The following RBFOX1 variants were observed in gnomAD, a reference collection of about 807,000 sequenced individuals.
The protein encoded by RBFOX1 is RNA binding fox-1 homolog 1.
Under a neutral mutation model 57.7 loss-of-function variants are expected in RBFOX1, and 8 were observed. The observed-to-expected ratio is 0.14, with a 90% confidence interval of 0.08 to 0.25. The LOEUF is 0.25. RBFOX1 is among the 10% of genes least tolerant of loss of function. RBFOX1 has a pLI of 1.00. For missense variants in RBFOX1, 611 were observed against 548.5 expected, an observed-to-expected ratio of 1.11 and a Z score of -1.14; for synonymous variants, 326 against 222.4, an observed-to-expected ratio of 1.47 and a Z score of -4.15.
chr16:5,486,433 A>T (rs554483551), intron 2 of RBFOX1, among the ~76,000 whole-genome samples: 1 of 152,322 alleles, frequency 6.6e-6, no homozygotes, highest in East Asian at 1.9e-4. Context: ...ATCAGTATTC[A>T]ACTCCGTCAT....
At chr16:5,765,570 T>C (rs978125409) in intron 3 of RBFOX1, among the ~76,000 whole-genome samples, 13 of 152,210 alleles carry the variant, frequency 8.5e-5, no homozygotes, top group Non-Finnish European at 1.9e-4. Context: ...GAGTGCTTAA[T>C]AACTACACAT....
chr16:5,622,226 T>A (rs2048220257), intron 3 of RBFOX1, among the ~76,000 whole-genome samples: 1 of 152,202 alleles, frequency 6.6e-6, no homozygotes, highest in South Asian at 2.1e-4. Context: ...TGACAGTAAT[T>A]ATGATGCCAA....
intron 1 of RBFOX1, among the ~76,000 whole-genome samples, chr16:5,249,131 C>T (rs1454103344): frequency 6.6e-6 from 1 of 152,126 alleles, no homozygotes; most frequent in African/African-American, 2.4e-5. Context: ...AGTCACACAC[C>T]TTTATTTAAC....
At chr16:7,223,584 C>G (rs1167492727) in intron 4 of RBFOX1, among the ~76,000 whole-genome samples, 3 of 152,248 alleles carry the variant, frequency 2.0e-5, no homozygotes, top group Middle Eastern at 3.4e-3. Flanking sequence ...GGAGATCCAA[C>G]TCACATCCAC....
At chr16:6,497,935 A>T (rs991947427) in intron 2 of RBFOX1, among the ~76,000 whole-genome samples, 3 of 152,016 alleles carry the variant, frequency 2.0e-5, no homozygotes, top group Admixed American at 1.3e-4. Flanking sequence ...TAAATTAATC[A>T]CTGTTACCCA....
chr16:5,963,743 A>G (rs2059794649), intron 4 of RBFOX1, among the ~76,000 whole-genome samples: 1 of 152,236 alleles, frequency 6.6e-6, no homozygotes, highest in African/African-American at 2.4e-5. Flanking sequence ...CTTATACTAT[A>G]CATAAAAATC....
intron 1 of RBFOX1, among the ~76,000 whole-genome samples, chr16:6,246,616 A>G (rs2097570516): frequency 6.6e-6 from 1 of 152,186 alleles, no homozygotes; most frequent in African/African-American, 2.4e-5. Context: ...TTCCACCAGA[A>G]GAGAGAAAAT....
chr16:6,931,607 A>C (rs1038791895), intron 3 of RBFOX1, among the ~76,000 whole-genome samples: 2 of 152,170 alleles, frequency 1.3e-5, no homozygotes, highest in African/African-American at 4.8e-5. Context: ...CCACCCCACA[A>C]CCACCACAAT....
chr16:5,722,909 G>A (rs987154900), intron 3 of RBFOX1, among the ~76,000 whole-genome samples: 2 of 152,030 alleles, frequency 1.3e-5, no homozygotes, highest in African/African-American at 4.8e-5. Flanking sequence ...TTCTTTTGTG[G>A]AAGTTCTCAC....
chr16:7,655,760 T>C lies in RBFOX1; in HGVS notation c.890+1813T>C, dbSNP rs1389717806. On this transcript the variant is annotated intron_variant, in intron 12 of 15. Coordinates refer to ENST00000550418, the MANE Select transcript of RBFOX1 (RefSeq NM_018723.4). ...ACATGGGAGTTGAAGGGTTTTAGTATATCTACCATCAGTATCTCACTACTA... is the reference window on the plus strand; with the variant it reads ...ACATGGGAGTTGAAGGGTTTTAGTACATCTACCATCAGTATCTCACTACTA... Among the ~76,000 whole-genome samples the C allele has an allele frequency of 4.6e-5, 7 of 152,170 alleles. 1 individual carries two copies. The highest frequency in any genetic ancestry group is 4.6e-4 in the Admixed American group (7 of 15,270).
chr16:7,580,554 A>G (rs1346170275), intron 6 of RBFOX1, among the ~76,000 whole-genome samples: 5 of 152,174 alleles, frequency 3.3e-5, no homozygotes, highest in Non-Finnish European at 5.9e-5. Flanking sequence ...CTGTGGTGCT[A>G]TATGCCATGA....
intron 4 of RBFOX1, among the ~76,000 whole-genome samples, chr16:7,279,135 T>TTTC (rs1568007998): frequency 8.5e-6 from 1 of 117,828 alleles, no homozygotes; most frequent in African/African-American, 3.8e-5. Context: ...TCTTTCTTTC[T>TTTC]TTTTTTTTTA....
chr16:6,309,934 T>A (rs1458953953), intron 1 of RBFOX1, among the ~76,000 whole-genome samples: 3 of 152,232 alleles, frequency 2.0e-5, no homozygotes, highest in African/African-American at 7.2e-5. Context: ...TCTCGCTGTG[T>A]CGCCCAGGCT....
chr16:6,326,596 A>C (rs960894352), intron 2 of RBFOX1, among the ~76,000 whole-genome samples: 3 of 152,062 alleles, frequency 2.0e-5, no homozygotes, highest in Admixed American at 6.6e-5. Flanking sequence ...AGCAATGACC[A>C]TTTACGCTTC....
chr16:6,762,444 A>G (rs2076740984), intron 3 of RBFOX1, among the ~76,000 whole-genome samples: 1 of 152,162 alleles, frequency 6.6e-6, no homozygotes, highest in Admixed American at 6.5e-5. Context: ...GAAATTATGG[A>G]TTACCTACCT....
At chr16:6,976,401 A>C (rs577513646) in intron 3 of RBFOX1, among the ~76,000 whole-genome samples, 1 of 152,186 alleles carries the variant, frequency 6.6e-6, no homozygotes, top group African/African-American at 2.4e-5. Flanking sequence ...TTCAGAATCC[A>C]GTTTCCAGAG....
chr16:7,118,894 C>A (rs751073151), intron 4 of RBFOX1, among the ~76,000 whole-genome samples: 2 of 152,108 alleles, frequency 1.3e-5, no homozygotes, highest in East Asian at 3.9e-4. Context: ...GATCTCTTAA[C>A]TGTTGTTGTT....
intron 3 of RBFOX1, among the ~76,000 whole-genome samples, chr16:6,669,467 A>T (rs746712831): frequency 2.0e-5 from 3 of 152,148 alleles, no homozygotes; most frequent in African/African-American, 7.2e-5. Flanking sequence ...GAGGTTTTTC[A>T]TATTTTCTTT....
chr16:6,759,505 G>C (rs1567136217), intron 3 of RBFOX1, among the ~76,000 whole-genome samples: 1 of 149,608 alleles, frequency 6.7e-6, no homozygotes, highest in East Asian at 1.9e-4. Context: ...GTGTGTGTGT[G>C]TGTGTGTGTG....
Sources: allele counts gnomAD v4.1 joint callset (sites outside exome capture counted in the v4.1 genomes callset), GRCh38; gene constraint gnomAD v4.1.1; transcripts MANE v1.5; gene names NCBI Gene and HGNC (gene_info 2026-07-23, HGNC 2026-07-21).